SNX29: variants seen among roughly 807,000 people sequenced by gnomAD.
SNX29 encodes the protein sorting nexin-29.
Under a neutral mutation model 102.1 loss-of-function variants are expected in SNX29, and 78 were observed. The ratio of observed to expected loss-of-function variants is 0.76; its 90% CI spans 0.64 to 0.92. The LOEUF (loss-of-function observed/expected upper bound fraction) is 0.92. SNX29 is among the 40% of genes least tolerant of loss of function. The pLI is 0.00. For missense variants in SNX29, 1,280 were observed against 1,061.7 expected (o/e 1.21, Z -2.86); for synonymous variants, 580 against 414.5 (o/e 1.40, Z -4.85).
At chr16:12,185,321 C>G (rs1309719101) in intron 13 of SNX29, among the ~76,000 whole-genome samples, 2 of 152,144 alleles carry the variant, frequency 1.3e-5, no homozygotes, top group Non-Finnish European at 2.9e-5. Flanking sequence ...TAGTGCCAGC[C>G]CTGGTTGCTC....
intron 14 of SNX29, among the ~76,000 whole-genome samples, chr16:12,205,982 G>A (rs1344293614): frequency 6.6e-6 from 1 of 152,234 alleles, no homozygotes; most frequent in Non-Finnish European, 1.5e-5. Context: ...TGTTGCAGCT[G>A]TGGAGAGCCT....
intron 14 of SNX29, among the ~76,000 whole-genome samples, chr16:12,238,688 A>G (rs2078012201): frequency 6.6e-6 from 1 of 152,222 alleles, no homozygotes; most frequent in Non-Finnish European, 1.5e-5. Flanking sequence ...AACCATGCCA[A>G]TAATAGTGTT....
chr16:12,421,932 C>T (rs904416177), intron 18 of SNX29, among the ~76,000 whole-genome samples: 24 of 63,508 alleles, frequency 3.8e-4, no homozygotes, highest in East Asian at 1.9e-3. Flanking sequence ...CATCATCATC[C>T]GTCCATCATC....
In SNX29 at chr16:12,129,571, C is replaced by G. The variant is rs1019789397; in HGVS notation, c.1467-59C>G. The G allele has an allele frequency of 3.2e-6, 5 of 1,545,144 alleles. No homozygotes were observed. The Admixed American group carries it at 5.7e-5, about 18-fold the overall frequency. On this transcript the variant is annotated intron_variant, in intron 12 of 20. Coordinates refer to ENST00000566228, the MANE Select transcript of SNX29 (RefSeq NM_032167.5). The stretch of plus-strand genomic sequence containing the variant: ...CTTGACTTATGTTAGGAACTGTGTC[C>G]TGGGCTCAGTGGGGTCTGGGTTGAC...
At chr16:12,101,766 A>G (rs1355000205) in intron 11 of SNX29, among the ~76,000 whole-genome samples, 1 of 152,156 alleles carries the variant, frequency 6.6e-6, no homozygotes. Flanking sequence ...AAAGGAAAGT[A>G]TCTTTTTAAT....
intron 20 of SNX29, among the ~76,000 whole-genome samples, chr16:12,542,485 C>T (rs765317030): frequency 6.6e-5 from 10 of 152,234 alleles, no homozygotes; most frequent in African/African-American, 9.6e-5. Context: ...GGACCCACTA[C>T]CACACCTGGC....
chr16:12,434,552 T>G (rs2085450513), intron 18 of SNX29, among the ~76,000 whole-genome samples: 1 of 152,204 alleles, frequency 6.6e-6, no homozygotes, highest in South Asian at 2.1e-4. Flanking sequence ...AACCACTGTT[T>G]TCTAAACTGT....
At chr16:12,500,433 G>T (rs2151891261) in intron 19 of SNX29, among the ~76,000 whole-genome samples, 1 of 152,254 alleles carries the variant, frequency 6.6e-6, no homozygotes, top group East Asian at 1.9e-4. Flanking sequence ...AGCCAGGGCT[G>T]GGACTTCTGA....
At chr16:12,566,563 T>G (rs2079019366) in intron 20 of SNX29, among the ~76,000 whole-genome samples, 1 of 152,184 alleles carries the variant, frequency 6.6e-6, no homozygotes, top group Non-Finnish European at 1.5e-5. Context: ...GGGCATGGCT[T>G]TAAACTGACT....
At chr16:12,520,118 C>T (rs998454912) in intron 19 of SNX29, among the ~76,000 whole-genome samples, 3 of 152,156 alleles carry the variant, frequency 2.0e-5, no homozygotes, top group Non-Finnish European at 4.4e-5. Context: ...CACATTCTAC[C>T]GAGTCCTGTG....
intron 14 of SNX29, among the ~76,000 whole-genome samples, chr16:12,210,817 C>T (rs946644800): frequency 6.6e-6 from 1 of 151,952 alleles, no homozygotes; most frequent in Admixed American, 6.6e-5. Flanking sequence ...CTGCTCCGGT[C>T]TATTTTGTAT....
intron 15 of SNX29, among the ~76,000 whole-genome samples, chr16:12,311,324 C>T (rs1383717762): frequency 6.6e-6 from 1 of 152,128 alleles, no homozygotes; most frequent in Admixed American, 6.5e-5. Flanking sequence ...GAATTGAAGC[C>T]CTTGCTCCAA....
chr16:12,431,115 G>T (rs766854023), intron 18 of SNX29, among the ~76,000 whole-genome samples: 6 of 152,186 alleles, frequency 3.9e-5, no homozygotes, highest in Middle Eastern at 6.3e-3. Context: ...GCCTCCCAAA[G>T]TGCTGGGATT....
intron 1 of SNX29, among the ~76,000 whole-genome samples, chr16:11,991,847 C>G (rs2055867946): frequency 6.6e-6 from 1 of 152,056 alleles, no homozygotes; most frequent in African/African-American, 2.4e-5. Context: ...GCCACCTCAC[C>G]CAGCTGGGAG....
chr16:12,548,007 C>G (rs1410366457), intron 20 of SNX29, among the ~76,000 whole-genome samples: 1 of 152,140 alleles, frequency 6.6e-6, no homozygotes, highest in Admixed American at 6.5e-5. Flanking sequence ...AACGTGGCAT[C>G]CTGGACTTTT....
At chr16:12,419,569 C>G (rs201871366) in intron 18 of SNX29, among the ~76,000 whole-genome samples, 20 of 151,886 alleles carry the variant, frequency 1.3e-4, no homozygotes, top group Non-Finnish European at 2.4e-4. Flanking sequence ...TCAGCCCCCC[C>G]CCCCATCTTT....
chr16:12,449,320 A>C lies in SNX29; in HGVS notation c.2038-28399A>C, dbSNP rs145578953. ...CAAGATAAGTAGAACTTAGCCAGGC[A>C]AAGAAGGCACGGTGGGGACAAGCAG... On this transcript the variant is annotated intron_variant, in intron 18 of 20. Coordinates refer to ENST00000566228, the MANE Select transcript of SNX29 (RefSeq NM_032167.5). 1.6e-4 allele frequency among the ~76,000 whole-genome samples: 24 copies of C among 152,046 alleles called. No individual in the cohort carries two copies. In the East Asian group the frequency reaches 4.1e-3, roughly 26 times the overall value.
intron 8 of SNX29, among the ~76,000 whole-genome samples, chr16:12,061,072 C>A (rs528949376): frequency 2.6e-5 from 4 of 152,190 alleles, no homozygotes; most frequent in Non-Finnish European, 5.9e-5. Context: ...GCCTTTGTCC[C>A]TCCTCTTCAC....
intron 18 of SNX29, among the ~76,000 whole-genome samples, chr16:12,436,560 G>T (rs1379305187): frequency 1.3e-5 from 2 of 152,248 alleles, no homozygotes; most frequent in African/African-American, 4.8e-5. Flanking sequence ...CAGGAGGGCT[G>T]AGGGGCCTCT....
Sources: gnomAD v4.1 joint callset for allele counts (sites outside exome capture counted in the v4.1 genomes callset) on GRCh38, gnomAD v4.1.1 for gene constraint, MANE v1.5 for transcripts, NCBI Gene and HGNC (gene_info 2026-07-23, HGNC 2026-07-21) for gene names.